The following KCTD8 variants were observed in gnomAD, a reference collection of about 807,000 sequenced individuals.
The protein encoded by KCTD8 is BTB/POZ domain-containing protein KCTD8.
A neutral mutation model predicts 31.5 loss-of-function variants in KCTD8; 27 were observed. The observed-to-expected ratio is 0.86, with a 90% confidence interval of 0.63 to 1.18. The LOEUF (loss-of-function observed/expected upper bound fraction) is 1.18. Ranked by LOEUF, KCTD8 falls within the 50% of genes most tolerant of loss-of-function variation. KCTD8 has a pLI of 0.00. For synonymous variants in KCTD8, 290 were observed against 280.0 expected, an observed-to-expected ratio of 1.04 and a Z score of -0.36; for missense variants, 658 against 647.7, an observed-to-expected ratio of 1.02 and a Z score of -0.17.
At chr4:44,377,403 G>T in intron 1 of KCTD8, among the ~76,000 whole-genome samples, 1 of 152,184 alleles carries the variant, frequency 6.6e-6, no homozygotes, top group Admixed American at 6.5e-5. Context: ...TCTACTCATG[G>T]AAGGATAGAC....
intron 1 of KCTD8, among the ~76,000 whole-genome samples, chr4:44,181,293 C>A (rs1415233054): frequency 6.6e-6 from 1 of 151,762 alleles, no homozygotes; most frequent in African/African-American, 2.4e-5. Context: ...CCTCTGATGC[C>A]GAGCCGAGGC....
At position 44,354,691 on chromosome 4, in the gene KCTD8, T is replaced by A. The variant is rs564852335; in HGVS notation, c.961+92872A>T. ...GTAAAATCCTCATGGGTAAGTAGTA[T>A]TATCATCCCTATGTTACAAATGGAG... On this transcript the variant is annotated intron_variant, in intron 1 of 1. Transcript: ENST00000360029. 2.6e-5 allele frequency among the ~76,000 whole-genome samples: 4 copies of A among 152,214 alleles called. No homozygotes were observed. In the South Asian group the frequency reaches 8.3e-4, roughly 32 times the overall value.
At chr4:44,292,134 A>G (rs1419812699) in intron 1 of KCTD8, among the ~76,000 whole-genome samples, 1 of 152,088 alleles carries the variant, frequency 6.6e-6, no homozygotes, top group Non-Finnish European at 1.5e-5. Flanking sequence ...TACATACCCA[A>G]AGGAAAATGA....
intron 1 of KCTD8, among the ~76,000 whole-genome samples, chr4:44,389,126 G>A (rs973888210): frequency 6.6e-6 from 1 of 151,742 alleles, no homozygotes; most frequent in Admixed American, 6.6e-5. Flanking sequence ...TAGAGGCTGG[G>A]AAAGGTGGTG....
At chr4:44,364,375 C>A (rs1281401468) in intron 1 of KCTD8, among the ~76,000 whole-genome samples, 1 of 125,394 alleles carries the variant, frequency 8.0e-6, no homozygotes, top group Non-Finnish European at 1.7e-5. Context: ...CAAATTAAAA[C>A]AATGAGTTAC....
In KCTD8 at chr4:44,304,246, C is replaced by T. The variant is rs1033637278; in HGVS notation, c.962-128996G>A. 2.0e-5 allele frequency among the ~76,000 whole-genome samples: 3 copies of T among 151,996 alleles called. No homozygotes were observed. The South Asian group carries it at 6.2e-4, about 32-fold the overall frequency. On this transcript the variant is annotated intron_variant, in intron 1 of 1. Coordinates refer to ENST00000360029, the MANE Select transcript of KCTD8 (RefSeq NM_198353.3). ...TGAAGAAAAATAGGTATGTGGTACA[C>T]GAATCCCTCTAGGTGACAGAAGAAT...
intron 1 of KCTD8, among the ~76,000 whole-genome samples, chr4:44,407,228 G>C (rs1267299494): frequency 6.6e-6 from 1 of 151,992 alleles, no homozygotes; most frequent in Non-Finnish European, 1.5e-5. Context: ...AAGTTCTGAA[G>C]ACACTGCCTT....
At chr4:44,430,261 G>T (rs929499068) in intron 1 of KCTD8, among the ~76,000 whole-genome samples, 3 of 151,580 alleles carry the variant, frequency 2.0e-5, no homozygotes, top group Non-Finnish European at 4.4e-5. Context: ...TAGAGTTGGG[G>T]TCAGAAGAAG....
At chr4:44,363,334 T>G (rs1269775539) in intron 1 of KCTD8, among the ~76,000 whole-genome samples, 1 of 152,124 alleles carries the variant, frequency 6.6e-6, no homozygotes, top group Non-Finnish European at 1.5e-5. Context: ...AAAACATATC[T>G]TTGATGTGTT....
At chr4:44,291,288 C>T (rs1055675804) in intron 1 of KCTD8, among the ~76,000 whole-genome samples, 1 of 151,886 alleles carries the variant, frequency 6.6e-6, no homozygotes, top group Non-Finnish European at 1.5e-5. Context: ...ACAGACCAAA[C>T]AAATAGACCA....
At chr4:44,204,877 A>G (rs1714256966) in intron 1 of KCTD8, among the ~76,000 whole-genome samples, 1 of 152,044 alleles carries the variant, frequency 6.6e-6, no homozygotes, top group African/African-American at 2.4e-5. Context: ...GAAAACTCAT[A>G]AGAGAGTTTT....
At chr4:44,230,970 T>A (rs1020616272) in intron 1 of KCTD8, among the ~76,000 whole-genome samples, 1 of 152,156 alleles carries the variant, frequency 6.6e-6, no homozygotes, top group African/African-American at 2.4e-5. Context: ...TCCAAGCAAA[T>A]ACCCTGAAAA....
At chr4:44,381,628 T>C (rs901074212) in intron 1 of KCTD8, among the ~76,000 whole-genome samples, 2 of 152,086 alleles carry the variant, frequency 1.3e-5, no homozygotes, top group African/African-American at 4.8e-5. Flanking sequence ...TTGCCAATGC[T>C]GGAGGTGGGG....
intron 1 of KCTD8, among the ~76,000 whole-genome samples, chr4:44,303,206 T>G (rs2109393743): frequency 6.6e-6 from 1 of 152,256 alleles, no homozygotes; most frequent in South Asian, 2.1e-4. Flanking sequence ...TCTGCCCAGC[T>G]TTGGAATCAA....
intron 1 of KCTD8, among the ~76,000 whole-genome samples, chr4:44,198,231 T>C (rs956620800): frequency 1.3e-5 from 2 of 152,154 alleles, no homozygotes; most frequent in Admixed American, 6.5e-5. Flanking sequence ...AAAAACATAT[T>C]TGAGTGTATA....
chr4:44,440,905 C>T (rs61141876), intron 1 of KCTD8, among the ~76,000 whole-genome samples: 17,100 of 152,120 alleles, frequency 0.11, 2,059 homozygotes, highest in African/African-American at 0.28. Context: ...CCAAGAGGTA[C>T]CCTGAAAAGC....
intron 1 of KCTD8, among the ~76,000 whole-genome samples, chr4:44,380,799 T>C (rs1013144618): frequency 1.3e-5 from 2 of 151,970 alleles, no homozygotes; most frequent in Non-Finnish European, 2.9e-5. Flanking sequence ...TGATTCATCA[T>C]GTATCTTTTT....
chr4:44,333,740 T>C (rs1215086457), intron 1 of KCTD8, among the ~76,000 whole-genome samples: 1 of 152,030 alleles, frequency 6.6e-6, no homozygotes, highest in Non-Finnish European at 1.5e-5. Flanking sequence ...ATGAGAGGCA[T>C]GATACAAGAG....
intron 1 of KCTD8, among the ~76,000 whole-genome samples, chr4:44,373,262 G>A (rs1719837176): frequency 6.6e-6 from 1 of 152,066 alleles, no homozygotes; most frequent in African/African-American, 2.4e-5. Flanking sequence ...TCAGGAGGCT[G>A]AGGCAGGAGA....
Sources: gnomAD v4.1 joint callset for allele counts (sites outside exome capture counted in the v4.1 genomes callset) on GRCh38, gnomAD v4.1.1 for gene constraint, MANE v1.5 for transcripts, NCBI Gene and HGNC (gene_info 2026-07-23, HGNC 2026-07-21) for gene names.